Variants in PARD3B observed in about 807,000 individuals in gnomAD.
PARD3B encodes the protein par-3 family cell polarity regulator beta.
A neutral mutation model predicts 130.2 loss-of-function variants in PARD3B; 103 were observed. The ratio of observed to expected loss-of-function variants is 0.79; its 90% CI spans 0.67 to 0.93. PARD3B has a LOEUF of 0.93. Among genes scored for constraint, PARD3B ranks in the 40% least tolerant of loss-of-function variants. The probability of loss-of-function intolerance (pLI) is 0.00; values close to 1 mark genes in which losing one functional copy is unlikely to be tolerated. For synonymous variants in PARD3B, 583 were observed against 553.2 expected (o/e 1.05, Z -0.76); for missense variants, 1,609 against 1,499.2 (o/e 1.07, Z -1.21).
At chr2:205,462,720 A>G (rs1444633290) in intron 20 of PARD3B, among the ~76,000 whole-genome samples, 1 of 152,208 alleles carries the variant, frequency 6.6e-6, no homozygotes, top group Non-Finnish European at 1.5e-5. Context: ...TGGATAAAAG[A>G]AGAAGACAGA....
At chr2:204,592,940 T>G (rs1043399905) in intron 1 of PARD3B, among the ~76,000 whole-genome samples, 1 of 152,254 alleles carries the variant, frequency 6.6e-6, no homozygotes, top group Non-Finnish European at 1.5e-5. Flanking sequence ...TTCAACCATG[T>G]TGTAGCATGT....
chr2:204,979,260 C>G (rs1692463457), intron 3 of PARD3B, among the ~76,000 whole-genome samples: 1 of 151,746 alleles, frequency 6.6e-6, no homozygotes, highest in African/African-American at 2.4e-5. Context: ...TAAATAAAAT[C>G]AGATCAACAG....
At chr2:204,803,144 GA>G (rs67190837) in intron 2 of PARD3B, among the ~76,000 whole-genome samples, 7,370 of 119,548 alleles carry the variant, frequency 0.062, 211 homozygotes, top group Non-Finnish European at 0.068. Context: ...AGTGCTGAAG[GA>G]AAAAAAAAAA....
intron 2 of PARD3B, among the ~76,000 whole-genome samples, chr2:204,812,119 A>G (rs774666134): frequency 5.8e-4 from 89 of 152,304 alleles, no homozygotes; most frequent in Admixed American, 1.2e-3. Context: ...TTACATATAC[A>G]TAGCATGCAT....
chr2:205,072,259 CTTT>C (rs1700782832), intron 4 of PARD3B, among the ~76,000 whole-genome samples: 1 of 112,354 alleles, frequency 8.9e-6, no homozygotes, highest in Non-Finnish European at 1.9e-5. Flanking sequence ...TTTTTTTCTT[CTTT>C]GAGACAGAGT....
At chr2:205,154,211 G>A (rs529475743) in intron 10 of PARD3B, among the ~76,000 whole-genome samples, 34 of 152,044 alleles carry the variant, frequency 2.2e-4, no homozygotes, top group African/African-American at 8.0e-4. Flanking sequence ...AAAAAAACAA[G>A]CAACCCCATC....
At chr2:204,561,223 T>C (rs2031287751) in intron 1 of PARD3B, among the ~76,000 whole-genome samples, 1 of 152,154 alleles carries the variant, frequency 6.6e-6, no homozygotes, top group Admixed American at 6.5e-5. Context: ...ATTAGAGCCT[T>C]GATTCAAGGT....
At chr2:205,500,167 C>T in intron 21 of PARD3B, 136 bp downstream of exon 21, 1 of 1,005,028 alleles carries the variant, frequency 9.9e-7, no homozygotes, top group Non-Finnish European at 1.4e-6. Context: ...GGAACATTAC[C>T]CAAACCACAG....
intron 2 of PARD3B, among the ~76,000 whole-genome samples, chr2:204,945,999 A>G (rs191299981): frequency 2.6e-4 from 39 of 152,318 alleles, no homozygotes; most frequent in African/African-American, 9.4e-4. Context: ...GTGAAATCAC[A>G]CTAATTAGGA....
intron 21 of PARD3B, among the ~76,000 whole-genome samples, chr2:205,544,513 C>G (rs2052302195): frequency 6.6e-6 from 1 of 152,058 alleles, no homozygotes; most frequent in South Asian, 2.1e-4. Context: ...AAAATTGTAT[C>G]CACAATCATA....
chr2:205,425,023 C>T (rs1017550696), intron 19 of PARD3B, among the ~76,000 whole-genome samples: 2 of 152,174 alleles, frequency 1.3e-5, no homozygotes, highest in Non-Finnish European at 2.9e-5. Context: ...TTTATCCAAC[C>T]GGCAGGGCTC....
Position 205,307,311 on chromosome 2 carries a change from T to C in PARD3B, c.2630+5610T>C, listed in dbSNP as rs1284327549. Among the ~76,000 whole-genome samples, 3 of 152,384 alleles carry C rather than the reference T, an allele frequency of 2.0e-5. No homozygotes were observed. The East Asian group carries it at 5.8e-4, about 29-fold the overall frequency. On this transcript the variant is annotated intron_variant, in intron 18 of 22. Transcript: ENST00000406610. ...TTAATTAATATCTTTATACATGTTGTCTAATTCCAATATGCTTATACTTTG... is the reference window on the plus strand; with the variant it reads ...TTAATTAATATCTTTATACATGTTGCCTAATTCCAATATGCTTATACTTTG...
At chr2:205,168,315 GA>G (rs2034942134) in intron 11 of PARD3B, among the ~76,000 whole-genome samples, 1 of 108,800 alleles carries the variant, frequency 9.2e-6, no homozygotes, top group African/African-American at 2.9e-5. Flanking sequence ...GAGAGAGAGA[GA>G]GAGAGTGTGT....
At chr2:204,729,827 A>T (rs576374489) in intron 2 of PARD3B, among the ~76,000 whole-genome samples, 31 of 151,574 alleles carry the variant, frequency 2.0e-4, no homozygotes, top group South Asian at 6.2e-4. Context: ...CCCATATTTT[A>T]AAAAAAAATT....
intron 20 of PARD3B, among the ~76,000 whole-genome samples, chr2:205,448,613 T>C (rs1165365259): frequency 6.6e-6 from 1 of 152,206 alleles, no homozygotes; most frequent in Non-Finnish European, 1.5e-5. Context: ...ATTCCCTAGA[T>C]TTTACCAGCC....
intron 2 of PARD3B, among the ~76,000 whole-genome samples, chr2:204,711,483 T>A (rs1020252895): frequency 5.3e-5 from 8 of 152,324 alleles, no homozygotes; most frequent in African/African-American, 1.9e-4. Context: ...CTCTGTGTTA[T>A]GTCTTACAAC....
At chr2:205,249,952 C>T (rs2039769923) in intron 16 of PARD3B, among the ~76,000 whole-genome samples, 1 of 148,318 alleles carries the variant, frequency 6.7e-6, no homozygotes, top group African/African-American at 2.5e-5. Context: ...AAAAAAAAAA[C>T]AGAAAAATGT....
chr2:204,765,140 A>G (rs2041087474), intron 2 of PARD3B, among the ~76,000 whole-genome samples: 1 of 152,212 alleles, frequency 6.6e-6, no homozygotes, highest in Non-Finnish European at 1.5e-5. Context: ...TGACTGCAGG[A>G]TAAAACAGAG....
Position 205,616,225 on chromosome 2 carries a change from AGG to A in PARD3B, c.*413_*414del. 1.2e-5 allele frequency: 2 copies of A among 173,694 alleles called. No homozygotes were observed. Among genetic ancestry groups the A allele is most frequent in the Admixed American group, 5.9e-5 (1 of 16,830 alleles). The allele number at this position is 173,694 out of a possible 1,614,324, so 10.8% of individuals were successfully genotyped here. Reference sequence around the variant, plus strand: ...TGGCGGTCCAGAGGCAGTCTCTGCCAGGCAGCATTACCCGCTCCGAGGTGGAG... The same window carrying A: ...TGGCGGTCCAGAGGCAGTCTCTGCCACAGCATTACCCGCTCCGAGGTGGAG... On this transcript the variant is annotated 3_prime_UTR_variant, in exon 23 of 23. Transcript: ENST00000406610.
Sources: allele counts gnomAD v4.1 joint callset (sites outside exome capture counted in the v4.1 genomes callset), GRCh38; gene constraint gnomAD v4.1.1; transcripts MANE v1.5; gene names NCBI Gene and HGNC (gene_info 2026-07-23, HGNC 2026-07-21).